Variants in MGAT4C observed in about 807,000 individuals in gnomAD.
MGAT4C encodes alpha-1,3-mannosyl-glycoprotein 4-beta-N-acetylglucosaminyltransferase C.
In MGAT4C, 19 loss-of-function variants were observed where a neutral mutation model predicts 40.1. The observed-to-expected ratio is 0.47, with a 90% CI of 0.33 to 0.70. MGAT4C has a LOEUF of 0.70. Ranked by LOEUF, MGAT4C falls within the 30% of genes least tolerant of loss-of-function variation. The pLI is 0.02. For synonymous variants in MGAT4C, 181 were observed against 187.1 expected (o/e 0.97, Z 0.27); for missense variants, 491 against 563.2 (o/e 0.87, Z 1.30).
intron 3 of MGAT4C, among the ~76,000 whole-genome samples, chr12:85,987,087 C>A (rs1885294174): frequency 7.5e-6 from 1 of 133,270 alleles, no homozygotes; most frequent in South Asian, 2.6e-4. Context: ...TCATTTTTTT[C>A]CAACTTTTGT....
intron 2 of MGAT4C, among the ~76,000 whole-genome samples, chr12:86,513,997 A>G (rs1958639730): frequency 6.6e-6 from 1 of 151,558 alleles, no homozygotes; most frequent in Non-Finnish European, 1.5e-5. Context: ...TCATCTGACA[A>G]GCAGGAAGTG....
chr12:86,148,998 G>A (rs1883921172), intron 1 of MGAT4C, among the ~76,000 whole-genome samples: 1 of 152,172 alleles, frequency 6.6e-6, no homozygotes, highest in Non-Finnish European at 1.5e-5. Context: ...GCCCTGACAT[G>A]ATATATCAGT....
intron 2 of MGAT4C, among the ~76,000 whole-genome samples, chr12:86,512,160 A>G (rs1352299966): frequency 1.3e-5 from 2 of 152,186 alleles, no homozygotes; most frequent in East Asian, 1.9e-4. Context: ...AAATAGGTAT[A>G]TAAAAAGATA....
At chr12:86,621,467 G>A (rs1198191783) in intron 2 of MGAT4C, among the ~76,000 whole-genome samples, 1 of 152,046 alleles carries the variant, frequency 6.6e-6, no homozygotes, top group Non-Finnish European at 1.5e-5. Context: ...TTTTTTGTTT[G>A]TTTGATCGGT....
At chr12:86,776,079 G>C (rs1403188428) in intron 1 of MGAT4C, among the ~76,000 whole-genome samples, 2 of 151,916 alleles carry the variant, frequency 1.3e-5, no homozygotes, top group Non-Finnish European at 2.9e-5. Context: ...GTGAGAGTGA[G>C]AATTTGGGAC....
chr12:86,106,008 A>G (rs1876093551), intron 1 of MGAT4C, among the ~76,000 whole-genome samples: 1 of 152,162 alleles, frequency 6.6e-6, no homozygotes, highest in Admixed American at 6.5e-5. Context: ...AATCTTCAAC[A>G]TCATCTTCCG....
Position 85,963,632 on chromosome 12 carries a change from A to G in MGAT4C, c.*15657T>C, listed in dbSNP as rs1346479931. 1.3e-5 allele frequency: 2 copies of G among 152,034 alleles called. No homozygotes were observed. The highest frequency in any genetic ancestry group is 4.8e-5 in the African/African-American group (2 of 41,434). 9.4% of individuals were successfully genotyped at this position (152,034 alleles called of 1,614,324 possible). On this transcript the variant is annotated 3_prime_UTR_variant, in exon 5 of 5. Coordinates refer to ENST00000611864, the MANE Select transcript of MGAT4C (RefSeq NM_001351288.2). ...GGCATGTCCCCAGAATGTAATTATC[A>G]ATGAACAATAGCCATTGAAAAAATC...
chr12:86,830,533 G>A (rs2136235519), intron 1 of MGAT4C, among the ~76,000 whole-genome samples: 1 of 151,858 alleles, frequency 6.6e-6, no homozygotes, highest in Non-Finnish European at 1.5e-5. Context: ...CTTAAGAGAT[G>A]AGTGTGTATA....
At chr12:86,155,044 C>G (rs947610215) in intron 1 of MGAT4C, among the ~76,000 whole-genome samples, 9 of 151,704 alleles carry the variant, frequency 5.9e-5, no homozygotes, top group African/African-American at 2.2e-4. Context: ...CAGGGATGGC[C>G]TCTATTAAGA....
At chr12:86,623,166 A>G (rs1181693765) in intron 2 of MGAT4C, among the ~76,000 whole-genome samples, 1 of 152,126 alleles carries the variant, frequency 6.6e-6, no homozygotes, top group Non-Finnish European at 1.5e-5. Context: ...AGAAAAATAC[A>G]TATACTTGAG....
chr12:86,475,702 A>T (rs915612524), intron 2 of MGAT4C, among the ~76,000 whole-genome samples: 3 of 152,080 alleles, frequency 2.0e-5, no homozygotes, highest in Admixed American at 1.3e-4. Flanking sequence ...ATGTTAATAG[A>T]AAAGCAGAAA....
At chr12:86,438,270 C>T (rs1367881825) in intron 2 of MGAT4C, among the ~76,000 whole-genome samples, 2 of 151,880 alleles carry the variant, frequency 1.3e-5, no homozygotes. Flanking sequence ...AAAGCCTAAT[C>T]CAGAGCAAGG....
At chr12:86,480,681 T>A (rs1957923470) in intron 2 of MGAT4C, among the ~76,000 whole-genome samples, 1 of 151,710 alleles carries the variant, frequency 6.6e-6, no homozygotes, top group East Asian at 1.9e-4. Context: ...TATATGTATA[T>A]ACAAATTTGA....
At chr12:86,206,238 T>C (rs1303196086) in intron 1 of MGAT4C, among the ~76,000 whole-genome samples, 2 of 152,160 alleles carry the variant, frequency 1.3e-5, no homozygotes, top group Non-Finnish European at 2.9e-5. Flanking sequence ...ATATTTTCAA[T>C]ACCTGTTATC....
chr12:86,380,360 A>G (rs997720370), intron 3 of MGAT4C, among the ~76,000 whole-genome samples: 1 of 152,146 alleles, frequency 6.6e-6, no homozygotes, highest in African/African-American at 2.4e-5. Flanking sequence ...TTCTCTTAAT[A>G]ATCCTTAACA....
In MGAT4C at chr12:85,979,526, A is replaced by T; in HGVS notation, c.1200T>A (p.Asp400Glu). 2 of 1,612,234 alleles carry T rather than the reference A, an allele frequency of 1.2e-6. No homozygotes were observed. The highest frequency in any genetic ancestry group is 1.7e-4 in the Middle Eastern group (1 of 6,054). Residue 400 changes from aspartate (D) to glutamate (E), a missense_variant, in exon 5 of 5, where the codon GAT becomes GAA. Coordinates refer to ENST00000611864, the MANE Select transcript of MGAT4C (RefSeq NM_001351288.2). ...CATGATGCAAAATATCATTTTGCCG[A>T]TCTTCTGTTCCAGTATTTACTTTAA... is the stretch of plus-strand genomic sequence containing the variant. ...KKIKVNTGTEDRQNDILHHGA... is the reference protein window; with the variant it reads ...KKIKVNTGTEERQNDILHHGA...
At chr12:86,797,465 T>A (rs1952145795) in intron 1 of MGAT4C, among the ~76,000 whole-genome samples, 3 of 151,868 alleles carry the variant, frequency 2.0e-5, no homozygotes, top group Non-Finnish European at 4.4e-5. Flanking sequence ...TGAAAGTCAA[T>A]AATTGCCAAA....
intron 1 of MGAT4C, among the ~76,000 whole-genome samples, chr12:86,801,272 C>A (rs2136203351): frequency 6.6e-6 from 1 of 151,844 alleles, no homozygotes; most frequent in Admixed American, 6.6e-5. Context: ...GAGAGAGCTT[C>A]AAGAAAAGCA....
intron 2 of MGAT4C, among the ~76,000 whole-genome samples, chr12:86,643,926 G>A (rs139027111): frequency 0.012 from 1,783 of 151,662 alleles, 13 homozygotes; most frequent in Middle Eastern, 0.017. Context: ...TGAATTTGTT[G>A]TTTTGTGAAT....
Sources: gnomAD v4.1 joint callset for allele counts (sites outside exome capture counted in the v4.1 genomes callset) on GRCh38, gnomAD v4.1.1 for gene constraint, MANE v1.5 for transcripts, NCBI Gene and HGNC (gene_info 2026-07-23, HGNC 2026-07-21) for gene names.